The following GLMN variants were observed in gnomAD, a reference collection of about 807,000 sequenced individuals.
GLMN encodes glomulin, FKBP associated protein, also known as glomulin.
In GLMN, 75 loss-of-function variants were observed where a neutral mutation model predicts 87.8. The observed-to-expected ratio is 0.85, with a 90% CI of 0.71 to 1.04. GLMN has a LOEUF of 1.04. GLMN is among the 50% of genes least tolerant of loss of function. The pLI is 0.00. For missense variants in GLMN, 588 were observed against 658.8 expected, an observed-to-expected ratio of 0.89 and a Z score of 1.18; for synonymous variants, 206 against 221.6, an observed-to-expected ratio of 0.93 and a Z score of 0.63.
At chr1:92,315,886 G>A in the GLMN span, among the ~76,000 whole-genome samples, 2 of 152,160 alleles carry the variant, frequency 1.3e-5, no homozygotes, top group African/African-American at 2.4e-5. Context: ...GACCTAGAAT[G>A]GTCTGGGTCG....
Position 92,277,266 on chromosome 1 carries a change from A to G in GLMN, c.736-5614T>C, listed in dbSNP as rs113955229. Among the ~76,000 whole-genome samples, 774 of 152,272 alleles carry G rather than the reference A, an allele frequency of 5.1e-3. 1 individual carries two copies. The highest frequency in any genetic ancestry group is 0.018 in the African/African-American group (739 of 41,556). On this transcript the variant is annotated intron_variant, in intron 7 of 18. Coordinates refer to ENST00000370360, the MANE Select transcript of GLMN (RefSeq NM_053274.3). ...AACTCCCAAGGCTTCCCTACTTCCA[A>G]TTTTATCCCAGTTAGTCATCTTCCT... is the stretch of plus-strand genomic sequence containing the variant.
intron 16 of GLMN, among the ~76,000 whole-genome samples, chr1:92,250,543 C>G (rs1234659375): frequency 6.6e-6 from 1 of 152,136 alleles, no homozygotes; most frequent in African/African-American, 2.4e-5. Context: ...TTCTAGGATA[C>G]TGTTTTTCAA....
chr1:92,295,047 A>G (rs1649869465), intron 3 of GLMN, among the ~76,000 whole-genome samples: 1 of 152,258 alleles, frequency 6.6e-6, no homozygotes, highest in African/African-American at 2.4e-5. Flanking sequence ...CATATTGCAA[A>G]GGTGATTCTC....
the GLMN span, among the ~76,000 whole-genome samples, chr1:92,367,449 T>C: frequency 6.6e-6 from 1 of 152,382 alleles, no homozygotes; most frequent in South Asian, 2.1e-4. Context: ...CATGTACACA[T>C]TGAAGGTATG....
At chr1:92,363,358 G>C in the GLMN span, among the ~76,000 whole-genome samples, 1 of 152,198 alleles carries the variant, frequency 6.6e-6, no homozygotes, top group Non-Finnish European at 1.5e-5. Context: ...GAGGCACAAG[G>C]AAATGTGATC....
intron 3 of GLMN, among the ~76,000 whole-genome samples, chr1:92,295,207 C>T (rs922317516): frequency 6.6e-6 from 1 of 152,076 alleles, no homozygotes; most frequent in African/African-American, 2.4e-5. Context: ...TGGTGCTGAT[C>T]CTCATCTCCT....
chr1:92,356,742 CT>C, the GLMN span, among the ~76,000 whole-genome samples: 343 of 151,100 alleles, frequency 2.3e-3, no homozygotes, highest in Non-Finnish European at 3.9e-3. Context: ...GCCCATTTTC[CT>C]TTTTTATTCT....
the GLMN span, among the ~76,000 whole-genome samples, chr1:92,347,598 A>G: frequency 6.6e-6 from 1 of 152,222 alleles, no homozygotes; most frequent in East Asian, 1.9e-4. Flanking sequence ...TATCTAAAAT[A>G]TATAGCAAAG....
chr1:92,304,095 T>A, the GLMN span: 1,545 of 1,505,030 alleles, frequency 1.0e-3, 1 homozygote, highest in Non-Finnish European at 1.2e-3. Context: ...TCATTTTTTT[T>A]AAAATATAGG....
the GLMN span, among the ~76,000 whole-genome samples, chr1:92,344,730 C>G: frequency 6.6e-6 from 1 of 152,130 alleles, no homozygotes; most frequent in East Asian, 1.9e-4. Context: ...ACTATTTCTT[C>G]CCATCCTCAC....
At chr1:92,312,488 A>G in the GLMN span, among the ~76,000 whole-genome samples, 3 of 152,244 alleles carry the variant, frequency 2.0e-5, no homozygotes, top group African/African-American at 7.2e-5. Flanking sequence ...TTTATGGAAT[A>G]TTCTAAATCT....
chr1:92,336,162 G>C, the GLMN span, among the ~76,000 whole-genome samples: 1 of 152,174 alleles, frequency 6.6e-6, no homozygotes, highest in Non-Finnish European at 1.5e-5. Context: ...ACAAAGTGGA[G>C]TGTGGGGTTA....
the GLMN span, among the ~76,000 whole-genome samples, chr1:92,306,945 G>A: frequency 0.019 from 2,965 of 152,260 alleles, 49 homozygotes; most frequent in Non-Finnish European, 0.029. Flanking sequence ...GAAAGGAAAT[G>A]AGGGAATGAT....
At chr1:92,315,712 C>T in the GLMN span, among the ~76,000 whole-genome samples, 6 of 152,142 alleles carry the variant, frequency 3.9e-5, no homozygotes, top group Non-Finnish European at 8.8e-5. Flanking sequence ...ATAAATTCTA[C>T]CTCCATACTT....
chr1:92,247,482 C>T lies in GLMN; in HGVS notation c.1586-338G>A, dbSNP rs545648618. ...CTATAAAAGCACCACCACAGATATA[C>T]GGAAGAGATCACACGATTATTATAG... On this transcript the variant is annotated intron_variant, in intron 17 of 18. Transcript: ENST00000370360. Among the ~76,000 whole-genome samples, 5 of 152,114 alleles carry T rather than the reference C, an allele frequency of 3.3e-5. No homozygotes were observed. The South Asian group carries it at 6.2e-4, about 19-fold the overall frequency.
In GLMN at chr1:92,246,602, A is replaced by T. The variant is rs141468230; in HGVS notation, c.1713T>A (p.Val571=). ...ALFTFDLIES[V]LARVEELIEI... ...CAATGAGTTCTTCCACTCGAGCTAGAACACTTTCAATCAAATCAAATGTGA... is the reference window on the plus strand; with the variant it reads ...CAATGAGTTCTTCCACTCGAGCTAGTACACTTTCAATCAAATCAAATGTGA... The change falls in exon 19 of 19, where the codon GTT becomes GTA. Residue 571 remains valine (V), a synonymous_variant. Transcript: ENST00000370360. The T allele has an allele frequency of 6.3e-7, 1 of 1,598,722 alleles. No homozygotes were observed. The highest frequency in any genetic ancestry group is 8.6e-7 in the Non-Finnish European group (1 of 1,166,026).
At chr1:92,306,500 G>A in the GLMN span, among the ~76,000 whole-genome samples, 1 of 152,150 alleles carries the variant, frequency 6.6e-6, no homozygotes, top group Non-Finnish European at 1.5e-5. Context: ...CTCTAACAAT[G>A]GAATGTAGTA....
the GLMN span, among the ~76,000 whole-genome samples, chr1:92,314,400 ATACATTTT>A: frequency 6.7e-6 from 1 of 148,282 alleles, no homozygotes; most frequent in Non-Finnish European, 1.5e-5. Flanking sequence ...TCTAAGTTGC[ATACATTTT>A]TACATTTTTA....
intron 7 of GLMN, among the ~76,000 whole-genome samples, chr1:92,279,132 T>A (rs986183881): frequency 2.0e-5 from 3 of 152,102 alleles, no homozygotes; most frequent in Non-Finnish European, 2.9e-5. Context: ...TTAAATTCTA[T>A]GTCCATCATT....
Sources: gnomAD v4.1 joint callset for allele counts (sites outside exome capture counted in the v4.1 genomes callset) on GRCh38, gnomAD v4.1.1 for gene constraint, MANE v1.5 for transcripts, NCBI Gene and HGNC (gene_info 2026-07-23, HGNC 2026-07-21) for gene names.